FSIP2: variants seen among roughly 807,000 people sequenced by gnomAD.
The protein encoded by FSIP2 is fibrous sheath-interacting protein 2.
FSIP2 carries 367 observed loss-of-function variants against 510.5 expected under a neutral mutation model. That is an observed-to-expected ratio of 0.72 (90% CI 0.66 to 0.78). The LOEUF is 0.78. Among genes scored for constraint, FSIP2 ranks in the 30% least tolerant of loss-of-function variants. The probability of loss-of-function intolerance (pLI) is 0.00; values close to 1 mark genes in which losing one functional copy is unlikely to be tolerated. For synonymous variants in FSIP2, 2,601 were observed against 2,732.2 expected (o/e 0.95, Z 1.50); for missense variants, 7,594 against 7,901.7 (o/e 0.96, Z 1.48).
In FSIP2 at chr2:185,803,782, G is replaced by A; in HGVS notation, c.14476G>A (p.Val4826Met). 1 of 1,523,252 alleles carries A rather than the reference G, an allele frequency of 6.6e-7. No individual in the cohort carries two copies. The highest frequency in any genetic ancestry group is 8.8e-7 in the Non-Finnish European group (1 of 1,140,008). The allele number at this position is 1,523,252 out of a possible 1,614,324, so 94.4% of individuals were successfully genotyped here. A position where few individuals can be genotyped will look rare whatever the true frequency, so the allele number is the denominator to read the frequency against. Residue 4826 changes from valine to methionine, a missense_variant, in exon 17 of 23, where the codon GTG becomes ATG. Coordinates refer to ENST00000424728, the MANE Select transcript of FSIP2 (RefSeq NM_173651.4). ...DTTKSDLSNT[V>M]IKLINEIMSI... ...TACTAAATCAGACTTAAGTAATACA[G>A]TGATAAAACTGATAAATGAAATTAT...
In FSIP2 at chr2:185,802,769, T is replaced by G; in HGVS notation, c.13463T>G (p.Val4488Gly). Reference protein sequence around the residue: ...SKLFSSASSLVLNRDTQKDIS... With the variant: ...SKLFSSASSLGLNRDTQKDIS... ...TTATTTTCTTCTGCATCTAGCCTGG[T>G]TCTAAACAGAGACACCCAAAAAGAT... The change falls in exon 17 of 23, where the codon GTT becomes GGT. Residue 4488 changes from valine (V) to glycine (G), a missense_variant. Transcript: ENST00000424728. 1 of 1,516,974 alleles carries G rather than the reference T, an allele frequency of 6.6e-7. No homozygotes were observed. Among genetic ancestry groups the G allele is most frequent in the East Asian group, 2.5e-5 (1 of 40,784 alleles). The allele number at this position is 1,516,974 out of a possible 1,614,324, so 94.0% of individuals were successfully genotyped here.
At chr2:185,774,715 A>G (rs1392019501) in intron 13 of FSIP2, among the ~76,000 whole-genome samples, 5 of 123,116 alleles carry the variant, frequency 4.1e-5, no homozygotes, top group African/African-American at 1.5e-4. Context: ...ATATCTCCCA[A>G]TGCTATCCCT....
chr2:185,809,522 G>A (rs1393443041), intron 17 of FSIP2, among the ~76,000 whole-genome samples: 1 of 151,966 alleles, frequency 6.6e-6, no homozygotes. Context: ...GTTCAAACAG[G>A]CCAGTTAAAA....
intron 21 of FSIP2, among the ~76,000 whole-genome samples, 193 bp downstream of exon 21, chr2:185,828,392 AC>A (rs1156360689): frequency 6.6e-6 from 1 of 151,830 alleles, no homozygotes; most frequent in Non-Finnish European, 1.5e-5. Flanking sequence ...AAATATGTTA[AC>A]AAAATCCTTT....
Position 185,796,669 on chromosome 2 carries a change from T to C in FSIP2, c.9533T>C (p.Ile3178Thr), listed in dbSNP as rs767455319. ...AAGTTAAAGGAAGGTAGTTTGGGGA[T>C]TAATCCTTCACAAGTGAGTAAAACT... Reference protein sequence around the residue: ...TSKLKEGSLGINPSQVSKTGF... With the variant: ...TSKLKEGSLGTNPSQVSKTGF... Residue 3178 changes from isoleucine (I) to threonine (T), a missense_variant, in exon 16 of 23, where the codon ATT (isoleucine) becomes ACT (threonine). Transcript: ENST00000424728. The C allele has an allele frequency of 9.3e-5, 142 of 1,535,006 alleles. No homozygotes were observed. Among genetic ancestry groups the C allele is most frequent in the Non-Finnish European group, 1.2e-4 (136 of 1,146,280 alleles).
At position 185,821,925 on chromosome 2, in the gene FSIP2, C is replaced by CA. The variant is rs35066355; in HGVS notation, c.20427-2491dup. Among the ~76,000 whole-genome samples, 560 of 127,432 alleles carry CA rather than the reference C, an allele frequency of 4.4e-3. 3 individuals carry two copies. Among genetic ancestry groups the CA allele is most frequent in the East Asian group, 0.019 (84 of 4,344 alleles). The allele number at this position is 127,432 out of a possible 152,430, so 83.6% of individuals were successfully genotyped here. A position where few individuals can be genotyped will look rare whatever the true frequency, so the allele number is the denominator to read the frequency against. On this transcript the variant is annotated intron_variant, in intron 19 of 22. Transcript: ENST00000424728. ...TGGGTGACAGAATGAGACCCTATCT[C>CA]AAAAAAAAAAAAAAAAAATCGATGT...
intron 20 of FSIP2, 150 bp from the exon 21 acceptor site, chr2:185,828,006 T>C (rs1694044668): frequency 3.6e-6 from 2 of 557,166 alleles, no homozygotes; most frequent in African/African-American, 1.9e-5. Context: ...TTGTTCCCAA[T>C]TGCTTATACA....
In FSIP2 at chr2:185,789,082, T is replaced by C; in HGVS notation, c.1946T>C (p.Leu649Pro). Residue 649 changes from leucine (L) to proline (P), a missense_variant, in exon 16 of 23, where the codon CTT (leucine) becomes CCT (proline). By Grantham distance (98) the Leu-to-Pro change is moderately conservative. Transcript: ENST00000424728. ...KLRSCKSDSHLLASFETGTKK... is the reference protein window; with the variant it reads ...KLRSCKSDSHPLASFETGTKK... ...AGAAGTTGTAAATCAGATAGTCACCTTTTAGCATCATTTGAAACAGGCACA... is the reference window on the plus strand; with the variant it reads ...AGAAGTTGTAAATCAGATAGTCACCCTTTAGCATCATTTGAAACAGGCACA... 6.5e-7 allele frequency: 1 copy of C among 1,534,886 alleles called. No individual in the cohort carries two copies. Among genetic ancestry groups the C allele is most frequent in the Non-Finnish European group, 8.7e-7 (1 of 1,145,866 alleles).
In FSIP2 at chr2:185,753,856, C is replaced by T. The variant is rs1361398367; in HGVS notation, c.991+14C>T. 7.0e-7 allele frequency: 1 copy of T among 1,431,064 alleles called. No individual in the cohort carries two copies. The highest frequency in any genetic ancestry group is 9.1e-7 in the Non-Finnish European group (1 of 1,096,046). The allele number at this position is 1,431,064 out of a possible 1,614,324, so 88.6% of individuals were successfully genotyped here. A position where few individuals can be genotyped will look rare whatever the true frequency, so the allele number is the denominator to read the frequency against. On this transcript the variant is annotated intron_variant, in intron 8 of 22. Coordinates refer to ENST00000424728, the MANE Select transcript of FSIP2 (RefSeq NM_173651.4). ...ATGGAACACATGGTGAATGTGAGAA[C>T]ATTAAAAGATGATGTAGCTAAGTAG...
chr2:185,815,298 C>T, intron 18 of FSIP2, 73 bp from the exon 19 acceptor site: 1 of 728,842 alleles, frequency 1.4e-6, no homozygotes, highest in South Asian at 1.7e-5. Flanking sequence ...GATTATACTG[C>T]AAAAAATGCC....
chr2:185,805,618 C>T lies in FSIP2; in HGVS notation c.16312C>T (p.Gln5438Ter). 1.2e-6 allele frequency: 2 copies of T among 1,608,942 alleles called. No homozygotes were observed. Among genetic ancestry groups the T allele is most frequent in the South Asian group, 2.2e-5 (2 of 90,354 alleles). Residue 5438 changes from glutamine (Q) to a stop codon, truncating the protein, a stop_gained, in exon 17 of 23, where the codon CAA becomes TAA. Transcript: ENST00000424728. LOFTEE classifies it high-confidence loss of function. ...AATAAGCAGATGTGCAAAAGAGAACCAACTTTCTTTACCAGATCAATCATA... is the reference window on the plus strand; with the variant it reads ...AATAAGCAGATGTGCAAAAGAGAACTAACTTTCTTTACCAGATCAATCATA... ...TQISRCAKEN[Q>*]LSLPDQSYKD...
At chr2:185,772,025 A>G (rs1025922313) in intron 13 of FSIP2, among the ~76,000 whole-genome samples, 1 of 152,324 alleles carries the variant, frequency 6.6e-6, no homozygotes, top group Non-Finnish European at 1.5e-5. Context: ...TGCCCAGGAC[A>G]TGGACACAAT....
At chr2:185,745,185 T>C in intron 4 of FSIP2, 1 of 265,694 alleles carries the variant, frequency 3.8e-6, no homozygotes, top group Admixed American at 5.3e-5. Context: ...TCTTCTCTAC[T>C]TCCTGCATAT....
Position 185,803,548 on chromosome 2 carries a change from A to G in FSIP2, c.14242A>G (p.Ile4748Val). 5.2e-6 allele frequency: 8 copies of G among 1,533,124 alleles called. No individual in the cohort carries two copies. Among genetic ancestry groups the G allele is most frequent in the Middle Eastern group, 1.7e-4 (1 of 5,962 alleles). The allele number at this position is 1,533,124 out of a possible 1,614,324, so 95.0% of individuals were successfully genotyped here. The part of the protein sequence containing the change: ...IFDFQIHPDL[I>V]ANLPFKSHSK... ...TGATTTCCAAATTCATCCAGATCTTATAGCAAATCTGCCTTTTAAATCACA... is the reference window on the plus strand; with the variant it reads ...TGATTTCCAAATTCATCCAGATCTTGTAGCAAATCTGCCTTTTAAATCACA... Residue 4748 changes from isoleucine (I) to valine (V), a missense_variant, in exon 17 of 23, where the codon ATA becomes GTA. Ile to Val is a conservative substitution (Grantham distance 29). Transcript: ENST00000424728.
chr2:185,804,296 C>G lies in FSIP2; in HGVS notation c.14990C>G (p.Thr4997Ser). Residue 4997 changes from threonine (T) to serine (S), a missense_variant, in exon 17 of 23, where the codon ACC becomes AGC. Transcript: ENST00000424728. ...TLVNSIVLEF[T>S]TSEILVADNF... The stretch of plus-strand genomic sequence containing the variant: ...GTAAATTCAATTGTTCTGGAGTTCA[C>G]CACATCAGAGATTTTAGTTGCAGAT... 1 of 1,522,962 alleles carries G rather than the reference C, an allele frequency of 6.6e-7. No individual in the cohort carries two copies. 94.3% of individuals were successfully genotyped at this position (1,522,962 alleles called of 1,614,324 possible). A position where few individuals can be genotyped will look rare whatever the true frequency, so the allele number is the denominator to read the frequency against.
chr2:185,810,306 G>A (rs1195281820), intron 17 of FSIP2, among the ~76,000 whole-genome samples: 1 of 151,974 alleles, frequency 6.6e-6, no homozygotes, highest in African/African-American at 2.4e-5. Flanking sequence ...TCATGGCTTG[G>A]TGCTGTCTTT....
intron 22 of FSIP2, 47 bp from the exon 23 acceptor site, chr2:185,833,043 G>C (rs1694135571): frequency 1.9e-6 from 3 of 1,576,810 alleles, no homozygotes; most frequent in Non-Finnish European, 2.6e-6. Flanking sequence ...TTTTACCTCA[G>C]TGTTCAAAAA....
intron 17 of FSIP2, 43 bp downstream of exon 17, chr2:185,809,176 A>T (rs1693669654): frequency 6.6e-7 from 1 of 1,503,944 alleles, no homozygotes; most frequent in South Asian, 1.4e-5. Flanking sequence ...GAATAGTGAG[A>T]CATGGTTCTT....
upstream of FSIP2, chr2:185,738,236 G>A: frequency 3.7e-6 from 1 of 268,436 alleles, no homozygotes; most frequent in South Asian, 3.8e-5. Context: ...GAAGCGTCAA[G>A]CACTTTATAA....
Sources: gnomAD v4.1 joint callset for allele counts (sites outside exome capture counted in the v4.1 genomes callset) on GRCh38, gnomAD v4.1.1 for gene constraint, MANE v1.5 for transcripts, NCBI Gene and HGNC (gene_info 2026-07-23, HGNC 2026-07-21) for gene names.